Variants in ORC4 observed in about 807,000 individuals in gnomAD.
ORC4 encodes the protein origin recognition complex subunit 4, also known as origin recognition complex, subunit 4 homolog.
ORC4 carries 55 observed loss-of-function variants against 63.9 expected under a neutral mutation model. The ratio of observed to expected loss-of-function variants is 0.86; its 90% CI spans 0.69 to 1.08. The LOEUF is 1.08. Ranked by LOEUF, ORC4 falls within the 50% of genes least tolerant of loss-of-function variation. The probability of loss-of-function intolerance (pLI) is 0.00; values close to 1 mark genes in which losing one functional copy is unlikely to be tolerated. For synonymous variants in ORC4, 150 were observed against 168.5 expected, an observed-to-expected ratio of 0.89 and a Z score of 0.85; for missense variants, 511 against 504.4, an observed-to-expected ratio of 1.01 and a Z score of -0.13.
chr2:147,963,704 C>T (rs1460872963), intron 4 of ORC4, among the ~76,000 whole-genome samples: 4 of 152,188 alleles, frequency 2.6e-5, no homozygotes, highest in Middle Eastern at 3.4e-3. Flanking sequence ...GTGTCAGATC[C>T]CAAGGTGATT....
At chr2:147,979,776 T>C (rs550650349) in intron 1 of ORC4, among the ~76,000 whole-genome samples, 5 of 152,218 alleles carry the variant, frequency 3.3e-5, no homozygotes, top group South Asian at 4.1e-4. Flanking sequence ...ATCCATACTT[T>C]TACAGTTGAC....
At chr2:147,955,647 G>T (rs553248182) in intron 6 of ORC4, among the ~76,000 whole-genome samples, 1 of 151,606 alleles carries the variant, frequency 6.6e-6, no homozygotes, top group South Asian at 2.1e-4. Flanking sequence ...AGGATAAAAC[G>T]GTCAAAGAAG....
intron 1 of ORC4, among the ~76,000 whole-genome samples, chr2:147,994,584 G>A (rs1167814104): frequency 6.6e-6 from 1 of 152,164 alleles, no homozygotes. Context: ...CAATTCAATG[G>A]AGAAAAGAAC....
chr2:147,958,296 A>C lies in ORC4; in HGVS notation c.387+2T>G, dbSNP rs1027932296. On this transcript the variant is annotated splice_donor_variant, in intron 6 of 13. Transcript: ENST00000392857. LOFTEE classifies it high-confidence loss of function. ...TAATAAAATAACTGAAATGATACTT[A>C]CAAAAACTTTATCTCCAACTACATT... is the stretch of plus-strand genomic sequence containing the variant. The C allele has an allele frequency of 1.3e-6, 2 of 1,581,630 alleles. No homozygotes were observed. The highest frequency in any genetic ancestry group is 2.7e-5 in the African/African-American group (2 of 74,230).
In ORC4 at chr2:147,943,422, AAACT is replaced by A; in HGVS notation, c.849+10_849+13del. Reference sequence around the variant, plus strand: ...AAACAAAGCAACAAGCAATAAAACAAAACTAATACAAACCAATAGCATGTGTAAT... The same window carrying A: ...AAACAAAGCAACAAGCAATAAAACAAAATACAAACCAATAGCATGTGTAAT... On this transcript the variant is annotated intron_variant, in intron 10 of 13. Coordinates refer to ENST00000392857, the MANE Select transcript of ORC4 (RefSeq NM_181741.4). 6.5e-7 allele frequency: 1 copy of A among 1,539,488 alleles called. No individual in the cohort carries two copies. The highest frequency in any genetic ancestry group is 9.0e-7 in the Non-Finnish European group (1 of 1,112,398).
chr2:147,936,400 T>C (rs1253407411), intron 13 of ORC4: 1 of 152,166 alleles, frequency 6.6e-6, no homozygotes, highest in Non-Finnish European at 1.5e-5. Context: ...AGTGTTGTGT[T>C]AGGTACGTTA....
rs563271140 is a variant in ORC4, at chr2:147,938,613, T to C, written c.959-220A>G. ...CCTATCTGCAAAATAAGGATATTTTTAAACTTTTAGAAATGTCACAAAGAT... is the reference window on the plus strand; with the variant it reads ...CCTATCTGCAAAATAAGGATATTTTCAAACTTTTAGAAATGTCACAAAGAT... On this transcript the variant is annotated intron_variant, in intron 11 of 13. Coordinates refer to ENST00000392857, the MANE Select transcript of ORC4 (RefSeq NM_181741.4). 2.0e-5 allele frequency: 10 copies of C among 504,458 alleles called. No individual in the cohort carries two copies. The East Asian group carries it at 3.5e-4, about 18-fold the overall frequency. The allele number at this position is 504,458 out of a possible 1,614,324, so 31.2% of individuals were successfully genotyped here.
intron 1 of ORC4, among the ~76,000 whole-genome samples, chr2:147,976,305 A>G (rs1690552480): frequency 6.6e-6 from 1 of 152,154 alleles, no homozygotes; most frequent in African/African-American, 2.4e-5. Flanking sequence ...TGTGTCTGTC[A>G]GCATTTTTTA....
At chr2:147,958,662 G>A in intron 5 of ORC4, 129 bp downstream of exon 5, 1 of 644,472 alleles carries the variant, frequency 1.6e-6, no homozygotes, top group South Asian at 1.9e-5. Context: ...TACTGCATAT[G>A]GTGTGCTAAG....
Position 147,958,874 on chromosome 2 carries a change from T to G in ORC4, c.226-8A>C, listed in dbSNP as rs750241677. 2.6e-6 allele frequency: 3 copies of G among 1,134,268 alleles called. No individual in the cohort carries two copies. The highest frequency in any genetic ancestry group is 3.1e-5 in the African/African-American group (2 of 65,266). 70.3% of individuals were successfully genotyped at this position (1,134,268 alleles called of 1,614,324 possible). On this transcript the variant is annotated splice_region_variant and splice_polypyrimidine_tract_variant and intron_variant, in intron 4 of 13. Transcript: ENST00000392857. ...CAAAGCATGATTTATTAACTAAATA[T>G]GAAAAGTTTATGAAATAATAATAGG... is the stretch of plus-strand genomic sequence containing the variant.
intron 6 of ORC4, among the ~76,000 whole-genome samples, chr2:147,956,797 T>G (rs903345561): frequency 6.6e-6 from 1 of 152,006 alleles, no homozygotes; most frequent in Non-Finnish European, 1.5e-5. Flanking sequence ...AACAGAATGA[T>G]AAAAAATTGT....
intron 1 of ORC4, among the ~76,000 whole-genome samples, chr2:147,987,348 C>T (rs1478115787): frequency 7.8e-6 from 1 of 127,510 alleles, no homozygotes; most frequent in Non-Finnish European, 1.6e-5. Context: ...CAAGAACTTT[C>T]CATATATAGA....
chr2:148,019,210 A>C (rs1693512630), intron 1 of ORC4, among the ~76,000 whole-genome samples: 1 of 152,238 alleles, frequency 6.6e-6, no homozygotes, highest in African/African-American at 2.4e-5. Context: ...GGGCTAAGCA[A>C]TGATGCATAA....
At chr2:148,006,596 T>C (rs115001580) in intron 1 of ORC4, among the ~76,000 whole-genome samples, 1 of 152,194 alleles carries the variant, frequency 6.6e-6, no homozygotes, top group Non-Finnish European at 1.5e-5. Context: ...CACAGTAAAA[T>C]AAAGCAAAAG....
rs1259042865 is a variant in ORC4, at chr2:147,967,547, T to C, written c.225+5192A>G. Among the ~76,000 whole-genome samples, 4 of 150,230 alleles carry C rather than the reference T, an allele frequency of 2.7e-5. No homozygotes were observed. In the East Asian group the frequency reaches 7.8e-4, roughly 29 times the overall value. On this transcript the variant is annotated intron_variant, in intron 4 of 13. Coordinates refer to ENST00000392857, the MANE Select transcript of ORC4 (RefSeq NM_181741.4). ...AGAAGGCAATCCCATTTATAAGAGC[T>C]ACCAAAAAAACGTAATTACTGAGGA...
At chr2:148,005,014 T>C (rs1014009187) in intron 1 of ORC4, among the ~76,000 whole-genome samples, 2 of 152,190 alleles carry the variant, frequency 1.3e-5, no homozygotes, top group Non-Finnish European at 2.9e-5. Context: ...CTCAAGGATC[T>C]AGAACCAGAA....
intron 1 of ORC4, among the ~76,000 whole-genome samples, chr2:148,018,226 T>C (rs752425731): frequency 6.6e-6 from 1 of 152,194 alleles, no homozygotes; most frequent in Non-Finnish European, 1.5e-5. Context: ...GTGCTCAAAC[T>C]CTTTAGTGTC....
chr2:147,971,112 G>A (rs1163535395), intron 4 of ORC4, among the ~76,000 whole-genome samples: 2 of 152,036 alleles, frequency 1.3e-5, no homozygotes, highest in African/African-American at 4.8e-5. Flanking sequence ...ACTCCGGCCT[G>A]GGTGAAAGAG....
At chr2:147,943,203 C>T (rs535582385) in intron 10 of ORC4, among the ~76,000 whole-genome samples, 1 of 152,096 alleles carries the variant, frequency 6.6e-6, no homozygotes, top group South Asian at 2.1e-4. Context: ...CAAAATTTAC[C>T]TACAGGTTTA....
Sources: allele counts gnomAD v4.1 joint callset (sites outside exome capture counted in the v4.1 genomes callset), GRCh38; gene constraint gnomAD v4.1.1; transcripts MANE v1.5; gene names NCBI Gene and HGNC (gene_info 2026-07-23, HGNC 2026-07-21).